Variants in SSH2 observed in about 807,000 individuals in gnomAD.
SSH2 encodes the protein slingshot protein phosphatase 2.
SSH2 carries 37 observed loss-of-function variants against 135.2 expected under a neutral mutation model. The observed-to-expected ratio is 0.27, with a 90% CI of 0.21 to 0.36. The LOEUF (loss-of-function observed/expected upper bound fraction) is 0.36. Among genes scored for constraint, SSH2 ranks in the 10% least tolerant of loss-of-function variants. The pLI, the probability that SSH2 is intolerant of heterozygous loss-of-function variation, is 1.00. For synonymous variants in SSH2, 628 were observed against 646.2 expected, an observed-to-expected ratio of 0.97 and a Z score of 0.43; for missense variants, 1,408 against 1,765.3, an observed-to-expected ratio of 0.80 and a Z score of 3.63.
intron 3 of SSH2, chr17:29,776,823 T>C (rs780798898): frequency 6.6e-6 from 1 of 152,254 alleles, no homozygotes; most frequent in Non-Finnish European, 1.5e-5. Context: ...ATGGATTAAC[T>C]TTTAAAAGGA....
At chr17:29,895,657 T>C (rs1448516916) in intron 1 of SSH2, among the ~76,000 whole-genome samples, 24 of 111,548 alleles carry the variant, frequency 2.2e-4, no homozygotes, top group African/African-American at 9.9e-4. Context: ...ATACACATTT[T>C]ATATATGAAA....
intron 11 of SSH2, among the ~76,000 whole-genome samples, chr17:29,656,937 T>C (rs2036806046): frequency 6.6e-6 from 1 of 152,344 alleles, no homozygotes; most frequent in African/African-American, 2.4e-5. Context: ...CAATCAAGGA[T>C]AATTCTTCAC....
At chr17:29,919,689 C>CTT (rs770940170) in intron 1 of SSH2, among the ~76,000 whole-genome samples, 3 of 143,132 alleles carry the variant, frequency 2.1e-5, no homozygotes, top group Non-Finnish European at 3.1e-5. Flanking sequence ...AAGAATTACA[C>CTT]TTTTTTTTTT....
intron 14 of SSH2, 94 bp downstream of exon 14, chr17:29,648,050 C>T (rs2036448246): frequency 8.4e-7 from 1 of 1,188,986 alleles, no homozygotes; most frequent in Admixed American, 1.9e-5. Flanking sequence ...ATATCACATC[C>T]AAATCAGCTT....
intron 2 of SSH2, among the ~76,000 whole-genome samples, chr17:29,824,090 C>T (rs1388601666): frequency 6.6e-6 from 1 of 152,092 alleles, no homozygotes; most frequent in Non-Finnish European, 1.5e-5. Flanking sequence ...AACTATATAG[C>T]CCTCTAAGAG....
At chr17:29,761,025 A>G in intron 3 of SSH2, 1 of 1,003,054 alleles carries the variant, frequency 1.0e-6, no homozygotes, top group Non-Finnish European at 1.3e-6. Flanking sequence ...GGAGACCTCC[A>G]GGCAAGCAGG....
chr17:29,823,207 T>C (rs1368716362), intron 2 of SSH2, among the ~76,000 whole-genome samples: 1 of 152,198 alleles, frequency 6.6e-6, no homozygotes, highest in African/African-American at 2.4e-5. Context: ...GAGTTTCATG[T>C]AATATATTCA....
Position 29,671,979 on chromosome 17 carries a change from A to G in SSH2, c.765T>C (p.Asp255=), listed in dbSNP as rs941580317. 5 of 1,614,064 alleles carry G rather than the reference A, an allele frequency of 3.1e-6. No homozygotes were observed. The African/African-American group carries it at 6.7e-5, about 22-fold the overall frequency. ...GAGAGTCGGGCCGGTGGGACTGTAC[A>G]TCTTGCATTGCATTCCATTCATTGA... ...SSVNEWNAMQ[D]VQSHRPDSPA... The change falls in exon 9 of 16, where the codon GAT becomes GAC. Residue 255 remains aspartate (D), a synonymous_variant. Coordinates refer to ENST00000540801, the MANE Select transcript of SSH2 (RefSeq NM_001282129.2).
rs772247309 is a variant in SSH2, at chr17:29,793,867, G to A, written c.188+27C>T. On this transcript the variant is annotated intron_variant, in intron 3 of 15. Transcript: ENST00000540801. ...TACAAAAATATCCTACAACAAAAAT[G>A]CCGTAGGATATAATGAACAAACATA... 38 of 1,594,182 alleles carry A rather than the reference G, an allele frequency of 2.4e-5. 1 individual carries two copies. Among genetic ancestry groups the A allele is most frequent in the Non-Finnish European group, 3.2e-5 (37 of 1,165,664 alleles).
In SSH2 at chr17:29,650,692, C is replaced by G. The variant is rs116740540; in HGVS notation, c.1188G>C (p.Ala396=). The G allele has an allele frequency of 2.2e-5, 35 of 1,613,830 alleles. No individual in the cohort carries two copies. Among genetic ancestry groups the G allele is most frequent in the Non-Finnish European group, 2.6e-5 (31 of 1,179,890 alleles). ...TGAATTTGTAAGTGTCATTCCAGTACGCCAGGAGATCCGTTGCCTCTTCAT... is the reference window on the plus strand; with the variant it reads ...TGAATTTGTAAGTGTCATTCCAGTAGGCCAGGAGATCCGTTGCCTCTTCAT... ...VYDEEATDLL[A]YWNDTYKFIS... The change falls in exon 13 of 16, where the codon GCG becomes GCC. Residue 396 remains alanine (A), a synonymous_variant. Transcript: ENST00000540801.
At chr17:29,765,422 A>G (rs2041420538) in intron 3 of SSH2, among the ~76,000 whole-genome samples, 3 of 152,234 alleles carry the variant, frequency 2.0e-5, no homozygotes, top group Admixed American at 6.5e-5. Context: ...TACTTAAAAG[A>G]GTACCTGGCA....
At chr17:29,777,189 G>A (rs918423755) in intron 3 of SSH2, among the ~76,000 whole-genome samples, 6 of 150,742 alleles carry the variant, frequency 4.0e-5, no homozygotes, top group Non-Finnish European at 8.8e-5. Flanking sequence ...TCCAGCCTGG[G>A]TGACAGAGTA....
intron 1 of SSH2, among the ~76,000 whole-genome samples, chr17:29,885,203 TCTCTGG>T (rs1370146515): frequency 1.3e-5 from 2 of 152,134 alleles, no homozygotes; most frequent in African/African-American, 4.8e-5. Context: ...TATCCAAGTG[TCTCTGG>T]CTTCCATGCT....
chr17:29,841,715 C>A (rs1421834314), intron 2 of SSH2, among the ~76,000 whole-genome samples: 1 of 151,922 alleles, frequency 6.6e-6, no homozygotes, highest in African/African-American at 2.4e-5. Context: ...AGAGTTAAAC[C>A]AGTGTTCTTT....
chr17:29,658,060 A>G (rs1405728084), intron 11 of SSH2, among the ~76,000 whole-genome samples: 1 of 149,518 alleles, frequency 6.7e-6, no homozygotes, highest in Non-Finnish European at 1.5e-5. Context: ...CTGGAGTGCA[A>G]TGGCACAATC....
At chr17:29,695,214 T>C (rs2038676431) in intron 5 of SSH2, among the ~76,000 whole-genome samples, 2 of 152,210 alleles carry the variant, frequency 1.3e-5, no homozygotes, top group Non-Finnish European at 2.9e-5. Flanking sequence ...CTTCCTAATC[T>C]AGGTCAAATC....
chr17:29,919,857 C>G (rs1468898471), intron 1 of SSH2, among the ~76,000 whole-genome samples: 2 of 151,874 alleles, frequency 1.3e-5, no homozygotes, highest in Non-Finnish European at 2.9e-5. Flanking sequence ...CTACAGCAGG[C>G]ATTTAATGGA....
At chr17:29,915,584 A>G (rs1444207374) in intron 1 of SSH2, among the ~76,000 whole-genome samples, 2 of 152,222 alleles carry the variant, frequency 1.3e-5, no homozygotes, top group African/African-American at 4.8e-5. Flanking sequence ...GTCCCACTAT[A>G]TTGAAAAACA....
intron 2 of SSH2, among the ~76,000 whole-genome samples, chr17:29,812,882 C>G (rs753183674): frequency 6.6e-6 from 1 of 151,232 alleles, no homozygotes; most frequent in Non-Finnish European, 1.5e-5. Flanking sequence ...GAGCAAGACT[C>G]CGTCACAAAA....
Sources: gnomAD v4.1 joint callset for allele counts (sites outside exome capture counted in the v4.1 genomes callset) on GRCh38, gnomAD v4.1.1 for gene constraint, MANE v1.5 for transcripts, NCBI Gene and HGNC (gene_info 2026-07-23, HGNC 2026-07-21) for gene names.